Variants in CLN8 observed in about 807,000 individuals in gnomAD.
CLN8 encodes the protein CLN8 transmembrane ER and ERGIC protein, also known as protein CLN8.
CLN8 carries 14 observed loss-of-function variants against 15.7 expected under a neutral mutation model. That is an observed-to-expected ratio of 0.89 (90% CI 0.59 to 1.39). The LOEUF (loss-of-function observed/expected upper bound fraction) is 1.39, where lower values mean the gene tolerates loss of function less well. Ranked by LOEUF, CLN8 falls within the 40% of genes most tolerant of loss-of-function variation. The probability of loss-of-function intolerance (pLI) is 0.00; values close to 1 mark genes in which losing one functional copy is unlikely to be tolerated. For missense variants in CLN8, 415 were observed against 364.0 expected (o/e 1.14, Z -1.14); for synonymous variants, 188 against 151.0 (o/e 1.25, Z -1.80).
At chr8:1,761,130 C>T (rs1800786856), upstream of CLN8, among the ~76,000 whole-genome samples, 1 of 146,200 alleles carries the variant, frequency 6.8e-6, no homozygotes, top group African/African-American at 2.5e-5. Flanking sequence ...GGCAATTCTC[C>T]TGCCTCAGCC....
Position 1,771,162 on chromosome 8 carries a change from G to T in CLN8, c.108G>T (p.Leu36Phe), listed in dbSNP as rs746677418. The change falls in exon 2 of 3, where the codon TTG becomes TTT. Residue 36 changes from leucine to phenylalanine, a missense_variant. Physicochemically the swap from Leu to Phe is conservative, Grantham distance 22. Transcript: ENST00000331222. ...TLMVAGFVFY[L>F]GVFVVCHQLS... ...TGGTCGCTGGCTTTGTCTTCTACTT[G>T]GGCGTCTTTGTGGTCTGCCACCAGC... is the stretch of plus-strand genomic sequence containing the variant. 1 of 1,614,028 alleles carries T rather than the reference G, an allele frequency of 6.2e-7. No individual in the cohort carries two copies. Among genetic ancestry groups the T allele is most frequent in the Admixed American group, 1.7e-5 (1 of 60,020 alleles).
At position 1,780,301 on chromosome 8, in the gene CLN8, C is replaced by T. The variant is rs1801672751; in HGVS notation, c.595C>T (p.His199Tyr). Residue 199 changes from histidine to tyrosine, a missense_variant, in exon 3 of 3, where the codon CAC (histidine) becomes TAC (tyrosine). By Grantham distance (83) the His-to-Tyr change is moderately conservative. Transcript: ENST00000331222. ...FWKLNQWLMI[H>Y]MFHCRMVLTY... ...GAAGCTCAACCAGTGGCTGATGATT[C>T]ACATGTTTCACTGCCGCATGGTTCT... 1 of 1,614,268 alleles carries T rather than the reference C, an allele frequency of 6.2e-7. No homozygotes were observed. Among genetic ancestry groups the T allele is most frequent in the African/African-American group, 1.3e-5 (1 of 75,060 alleles).
At chr8:1,778,022 A>G (rs1801581941) in intron 2 of CLN8, among the ~76,000 whole-genome samples, 1 of 152,374 alleles carries the variant, frequency 6.6e-6, no homozygotes, top group African/African-American at 2.4e-5. Flanking sequence ...GCAGTTGTCC[A>G]GCCTCACCTG....
At chr8:1,770,374 G>C (rs577448584) in intron 1 of CLN8, among the ~76,000 whole-genome samples, 1 of 152,158 alleles carries the variant, frequency 6.6e-6, no homozygotes, top group Admixed American at 6.5e-5. Flanking sequence ...ACCAGAGAAG[G>C]TATAATTGAT....
upstream of CLN8, among the ~76,000 whole-genome samples, chr8:1,755,619 A>G (rs1800651919): frequency 6.6e-6 from 1 of 152,194 alleles, no homozygotes; most frequent in South Asian, 2.1e-4. Flanking sequence ...CGGTCTGCCC[A>G]GAGGGCTGGG....
chr8:1,776,263 G>A (rs1421925750), intron 2 of CLN8, among the ~76,000 whole-genome samples: 1 of 152,244 alleles, frequency 6.6e-6, no homozygotes, highest in Non-Finnish European at 1.5e-5. Flanking sequence ...TGGAATCTGT[G>A]AGGGGCAGCT....
intron 1 of CLN8, among the ~76,000 whole-genome samples, chr8:1,767,511 G>C (rs1171571312): frequency 6.7e-6 from 1 of 149,932 alleles, no homozygotes; most frequent in Non-Finnish European, 1.5e-5. Flanking sequence ...CAAACTAGTT[G>C]AACATCTGGC....
At chr8:1,776,039 A>T (rs981379272) in intron 2 of CLN8, among the ~76,000 whole-genome samples, 9 of 152,080 alleles carry the variant, frequency 5.9e-5, no homozygotes, top group Non-Finnish European at 2.9e-5. Context: ...ACGATAGAAG[A>T]TTCTGCAAGC....
At chr8:1,763,065 T>C (rs1305253445), upstream of CLN8, 1 of 152,014 alleles carries the variant, frequency 6.6e-6, no homozygotes, top group Non-Finnish European at 1.5e-5. Flanking sequence ...AACTCAGGTG[T>C]GGGCGCAGAA....
At chr8:1,765,207 G>C (rs1019695579) in intron 1 of CLN8, 1 of 152,236 alleles carries the variant, frequency 6.6e-6, no homozygotes, top group Non-Finnish European at 1.5e-5. Flanking sequence ...CTGGGCAAAA[G>C]CCTGGTAGGA....
chr8:1,760,496 T>C (rs181149038), upstream of CLN8: 11 of 152,324 alleles, frequency 7.2e-5, no homozygotes, highest in Admixed American at 5.2e-4. Flanking sequence ...ATGCCTGTGA[T>C]GGTTTTTTAG....
intron 2 of CLN8, chr8:1,780,022 C>T: frequency 1.0e-6 from 1 of 985,466 alleles, no homozygotes; most frequent in Non-Finnish European, 1.2e-6. Context: ...AGGAAAACAG[C>T]ATGAGCGGGC....
upstream of CLN8, among the ~76,000 whole-genome samples, chr8:1,753,917 T>A (rs115248850): frequency 6.6e-6 from 1 of 151,902 alleles, no homozygotes; most frequent in Admixed American, 6.6e-5. Flanking sequence ...AATTTCTCAT[T>A]CTCTTGCATA....
chr8:1,753,584 AAGAAAG>A (rs1179496661), upstream of CLN8, among the ~76,000 whole-genome samples: 28 of 140,784 alleles, frequency 2.0e-4, no homozygotes, highest in Non-Finnish European at 4.0e-4. Flanking sequence ...AAAAAAAAAA[AAGAAAG>A]AAAAAGAAAA....
At chr8:1,754,484 A>G (rs958712272), upstream of CLN8, among the ~76,000 whole-genome samples, 2 of 152,194 alleles carry the variant, frequency 1.3e-5, no homozygotes, top group African/African-American at 4.8e-5. Flanking sequence ...TGGTCTCAAC[A>G]TGTCTATCAG....
chr8:1,761,388 G>C (rs571119454), upstream of CLN8, among the ~76,000 whole-genome samples: 1 of 152,116 alleles, frequency 6.6e-6, no homozygotes, highest in Non-Finnish European at 1.5e-5. Context: ...GCAGTGGTGC[G>C]ATTTCAGCAC....
chr8:1,786,089 G>T lies in CLN8; in HGVS notation c.*5522G>T, dbSNP rs2129016580. 1 of 152,688 alleles carries T rather than the reference G, an allele frequency of 6.5e-6. No individual in the cohort carries two copies. The highest frequency in any genetic ancestry group is 1.9e-4 in the East Asian group (1 of 5,178). The allele number at this position is 152,688 out of a possible 1,614,324, so 9.5% of individuals were successfully genotyped here. On this transcript the variant is annotated 3_prime_UTR_variant, in exon 3 of 3. Transcript: ENST00000331222. ...CAGCCTGCGGGGGCTCTCTATCGGGGTCTTCGAGAGCCAGACAGCCTGCCT... is the reference window on the plus strand; with the variant it reads ...CAGCCTGCGGGGGCTCTCTATCGGGTTCTTCGAGAGCCAGACAGCCTGCCT...
intron 1 of CLN8, among the ~76,000 whole-genome samples, chr8:1,768,561 G>C (rs939525906): frequency 6.6e-6 from 1 of 152,072 alleles, no homozygotes; most frequent in Non-Finnish European, 1.5e-5. Flanking sequence ...TGACCTACTC[G>C]TGGAAAAGTA....
intron 2 of CLN8, among the ~76,000 whole-genome samples, chr8:1,774,593 G>A (rs999008188): frequency 2.6e-5 from 4 of 152,180 alleles, no homozygotes; most frequent in Non-Finnish European, 5.9e-5. Context: ...TTTAGGATGG[G>A]GGTCTAAGTC....
Sources: gnomAD v4.1 joint callset for allele counts (sites outside exome capture counted in the v4.1 genomes callset) on GRCh38, gnomAD v4.1.1 for gene constraint, MANE v1.5 for transcripts, NCBI Gene and HGNC (gene_info 2026-07-23, HGNC 2026-07-21) for gene names.